Variants in KHDRBS2 observed in about 807,000 individuals in gnomAD.
KHDRBS2 encodes the protein KH RNA binding domain containing, signal transduction associated 2.
In KHDRBS2, 26 loss-of-function variants were observed where a neutral mutation model predicts 44.3. The observed-to-expected ratio is 0.59, with a 90% confidence interval of 0.43 to 0.81. The LOEUF is 0.81. Among genes scored for constraint, KHDRBS2 ranks in the 40% least tolerant of loss-of-function variants. The pLI is 0.00. For synonymous variants in KHDRBS2, 194 were observed against 151.1 expected, an observed-to-expected ratio of 1.28 and a Z score of -2.08; for missense variants, 476 against 433.1, an observed-to-expected ratio of 1.10 and a Z score of -0.88.
At chr6:61,832,517 T>G (rs1292250462) in intron 6 of KHDRBS2, among the ~76,000 whole-genome samples, 2 of 152,082 alleles carry the variant, frequency 1.3e-5, no homozygotes, top group Non-Finnish European at 2.9e-5. Flanking sequence ...CTTGGGAAAG[T>G]GCTGGCTTTA....
chr6:62,036,720 A>C (rs749896595), intron 3 of KHDRBS2, among the ~76,000 whole-genome samples: 5 of 151,998 alleles, frequency 3.3e-5, no homozygotes, highest in Non-Finnish European at 7.4e-5. Flanking sequence ...CTTCATGTTT[A>C]TGTTTTGGGG....
At chr6:61,662,418 A>G in the KHDRBS2 span, among the ~76,000 whole-genome samples, 2 of 151,740 alleles carry the variant, frequency 1.3e-5, no homozygotes, top group Admixed American at 6.6e-5. Context: ...TAAACTAAAG[A>G]GCTTCTGCAC....
intron 6 of KHDRBS2, among the ~76,000 whole-genome samples, chr6:61,767,855 T>A (rs1177954771): frequency 6.6e-6 from 1 of 152,192 alleles, no homozygotes; most frequent in Non-Finnish European, 1.5e-5. Context: ...AAGTTGTTTT[T>A]ATTTTTGATA....
At chr6:61,991,824 C>T (rs539882274) in intron 3 of KHDRBS2, among the ~76,000 whole-genome samples, 1 of 152,156 alleles carries the variant, frequency 6.6e-6, no homozygotes, top group Non-Finnish European at 1.5e-5. Context: ...AAAACAAGTA[C>T]AACACAACGA....
chr6:61,918,364 A>T (rs1807412573), intron 4 of KHDRBS2, among the ~76,000 whole-genome samples: 1 of 151,868 alleles, frequency 6.6e-6, no homozygotes. Flanking sequence ...CCCCCTCCCA[A>T]ATTCAAATGT....
chr6:61,930,308 G>A (rs1809766165), intron 4 of KHDRBS2, among the ~76,000 whole-genome samples: 1 of 151,900 alleles, frequency 6.6e-6, no homozygotes, highest in African/African-American at 2.4e-5. Flanking sequence ...CAGCACAAAT[G>A]GAGTAAATTA....
chr6:62,002,310 T>G (rs1778398325), intron 3 of KHDRBS2, among the ~76,000 whole-genome samples: 1 of 121,992 alleles, frequency 8.2e-6, no homozygotes, highest in African/African-American at 2.8e-5. Flanking sequence ...CTCAGTACAT[T>G]GCTATTGCTT....
chr6:61,939,073 A>T (rs1034290458), intron 4 of KHDRBS2, among the ~76,000 whole-genome samples: 2 of 152,152 alleles, frequency 1.3e-5, no homozygotes, highest in African/African-American at 4.8e-5. Context: ...CCTAATGGCT[A>T]GAGGTAAAAG....
chr6:61,769,893 G>A (rs947703220), intron 6 of KHDRBS2, among the ~76,000 whole-genome samples: 19 of 152,198 alleles, frequency 1.2e-4, no homozygotes, highest in African/African-American at 4.6e-4. Flanking sequence ...GACTCCTCAA[G>A]TGGGTCCCTG....
intron 3 of KHDRBS2, among the ~76,000 whole-genome samples, chr6:61,989,362 C>T (rs1166387002): frequency 2.0e-5 from 3 of 152,182 alleles, no homozygotes. Context: ...AAAACTACTT[C>T]CTGTCATAAA....
intron 3 of KHDRBS2, among the ~76,000 whole-genome samples, chr6:62,025,753 C>T (rs182994685): frequency 4.3e-4 from 66 of 152,030 alleles, no homozygotes; most frequent in Non-Finnish European, 5.4e-4. Context: ...TTTATTTTCT[C>T]GCATATCTTT....
chr6:62,017,391 A>G (rs1199347051), intron 3 of KHDRBS2, among the ~76,000 whole-genome samples: 7 of 152,186 alleles, frequency 4.6e-5, no homozygotes, highest in Admixed American at 1.3e-4. Flanking sequence ...AAAGTTCATC[A>G]GTGAAATATG....
rs113938177 is a variant in KHDRBS2 at position 62,159,668 on chromosome 6, T to C, written c.219+17517A>G. Among the ~76,000 whole-genome samples, 53 of 152,292 alleles carry C rather than the reference T, an allele frequency of 3.5e-4. 1 individual carries two copies. The highest frequency in any genetic ancestry group is 1.1e-3 in the African/African-American group (45 of 41,574). On this transcript the variant is annotated intron_variant, in intron 2 of 8. Transcript: ENST00000281156. Reference sequence around the variant, plus strand: ...TAAAATTTAAATACTAATAGCCTACTGTTGACCGCAAGACTTACTGATAAC... The same window carrying C: ...TAAAATTTAAATACTAATAGCCTACCGTTGACCGCAAGACTTACTGATAAC...
chr6:62,236,844 G>A (rs1215983486), intron 1 of KHDRBS2, among the ~76,000 whole-genome samples: 2 of 152,058 alleles, frequency 1.3e-5, no homozygotes, highest in African/African-American at 4.8e-5. Context: ...AAGATTTATA[G>A]AAATGTAAAT....
chr6:62,249,337 A>G (rs1167240544), intron 1 of KHDRBS2, among the ~76,000 whole-genome samples: 1 of 152,092 alleles, frequency 6.6e-6, no homozygotes, highest in Non-Finnish European at 1.5e-5. Context: ...TTTGTAAAGT[A>G]TAGTATAAGG....
chr6:61,860,633 G>A (rs1434225928), intron 6 of KHDRBS2, among the ~76,000 whole-genome samples: 2 of 151,994 alleles, frequency 1.3e-5, no homozygotes, highest in African/African-American at 2.4e-5. Flanking sequence ...TGGGTATTTA[G>A]GTTGATTACA....
the KHDRBS2 span, among the ~76,000 whole-genome samples, chr6:61,559,393 G>A: frequency 6.6e-6 from 1 of 151,044 alleles, no homozygotes; most frequent in Non-Finnish European, 1.5e-5. Context: ...TCTTTTAATT[G>A]GAGAGTTCAG....
chr6:61,983,198 CA>C (rs1774244727), intron 3 of KHDRBS2, among the ~76,000 whole-genome samples: 3 of 27,982 alleles, frequency 1.1e-4, no homozygotes, highest in Non-Finnish European at 2.1e-4. Context: ...AAGTTTTTTT[CA>C]TTTTCTTTCT....
the KHDRBS2 span, among the ~76,000 whole-genome samples, chr6:61,581,260 G>C: frequency 6.6e-6 from 1 of 152,024 alleles, no homozygotes; most frequent in South Asian, 2.1e-4. Context: ...CCTCAAAATT[G>C]GATGCTTGTG....
Sources: gnomAD v4.1 joint callset for allele counts (sites outside exome capture counted in the v4.1 genomes callset) on GRCh38, gnomAD v4.1.1 for gene constraint, MANE v1.5 for transcripts, NCBI Gene and HGNC (gene_info 2026-07-23, HGNC 2026-07-21) for gene names.